Variants in ZNF407 observed in about 807,000 individuals in gnomAD.
ZNF407 encodes zinc finger protein 407.
In ZNF407, 17 loss-of-function variants were observed where a neutral mutation model predicts 131.2. That is an observed-to-expected ratio of 0.13 (90% CI 0.09 to 0.19). ZNF407 has a LOEUF of 0.19. Among genes scored for constraint, ZNF407 ranks in the 10% least tolerant of loss-of-function variants. The pLI, the probability that ZNF407 is intolerant of heterozygous loss-of-function variation, is 1.00. For synonymous variants in ZNF407, 1,156 were observed against 1,062.0 expected, an observed-to-expected ratio of 1.09 and a Z score of -1.72; for missense variants, 2,681 against 2,830.6, an observed-to-expected ratio of 0.95 and a Z score of 1.20.
chr18:74,755,851 CCCTTCCTCCCTTCCTT>C (rs1968943359), intron 3 of ZNF407, among the ~76,000 whole-genome samples: 1 of 116,000 alleles, frequency 8.6e-6, no homozygotes, highest in South Asian at 3.4e-4. Context: ...CTCCCTTCCT[CCCTTCCTCCCTTCCTT>C]CCTTCCTCTT....
At chr18:74,742,368 G>C (rs764266461) in intron 3 of ZNF407, among the ~76,000 whole-genome samples, 12 of 152,176 alleles carry the variant, frequency 7.9e-5, no homozygotes, top group Non-Finnish European at 1.3e-4. Context: ...TAAATGTCCA[G>C]TGAAGAGTAA....
intron 4 of ZNF407, 72 bp from the exon 5 acceptor site, chr18:74,877,125 C>T (rs918219732): frequency 3.5e-5 from 50 of 1,424,890 alleles, no homozygotes; most frequent in Non-Finnish European, 4.8e-5. Flanking sequence ...AGGGTTCGCA[C>T]ACGCGCTGCC....
rs140726101 is a variant in ZNF407, at chr18:74,843,323, G to A, written c.4878-33874G>A. 2.6e-4 allele frequency among the ~76,000 whole-genome samples: 40 copies of A among 151,918 alleles called. No individual in the cohort carries two copies. The East Asian group carries it at 4.6e-3, about 18-fold the overall frequency. On this transcript the variant is annotated intron_variant, in intron 4 of 8. Transcript: ENST00000299687. ...TCTAAACTTTCTATATTTCTAGATC[G>A]TTTATATTTATTCAGTCATATTAAG...
intron 3 of ZNF407, among the ~76,000 whole-genome samples, chr18:74,776,794 T>C (rs1040257640): frequency 6.6e-6 from 1 of 152,238 alleles, no homozygotes; most frequent in African/African-American, 2.4e-5. Context: ...ACACATTCTG[T>C]ATATGTATTA....
chr18:74,958,280 G>T (rs1972299496), intron 8 of ZNF407, among the ~76,000 whole-genome samples: 2 of 152,174 alleles, frequency 1.3e-5, no homozygotes, highest in South Asian at 2.1e-4. Context: ...GTGGGTTAGG[G>T]ATGTCAGAAA....
intron 3 of ZNF407, among the ~76,000 whole-genome samples, chr18:74,724,393 A>C (rs944907300): frequency 1.3e-5 from 2 of 152,156 alleles, no homozygotes; most frequent in African/African-American, 4.8e-5. Context: ...TATTAACTAT[A>C]GTCATTCTCT....
At chr18:74,684,662 A>G (rs1480313828) in intron 3 of ZNF407, among the ~76,000 whole-genome samples, 2 of 152,328 alleles carry the variant, frequency 1.3e-5, no homozygotes, top group African/African-American at 4.8e-5. Flanking sequence ...ATTAGAATGG[A>G]CTTAGTTTAA....
At chr18:74,687,072 G>C (rs1269295780) in intron 3 of ZNF407, among the ~76,000 whole-genome samples, 1 of 152,180 alleles carries the variant, frequency 6.6e-6, no homozygotes, top group Non-Finnish European at 1.5e-5. Flanking sequence ...AATATGGCTG[G>C]TGTGGTGGCT....
chr18:75,038,202 G>T (rs1278977195), intron 8 of ZNF407, among the ~76,000 whole-genome samples: 1 of 152,166 alleles, frequency 6.6e-6, no homozygotes, highest in African/African-American at 2.4e-5. Flanking sequence ...AACTTCAAAT[G>T]GCATTACCGA....
intron 1 of ZNF407, among the ~76,000 whole-genome samples, chr18:74,625,056 T>C (rs1983726859): frequency 6.6e-6 from 1 of 152,262 alleles, no homozygotes; most frequent in African/African-American, 2.4e-5. Context: ...ATGAGTACAT[T>C]TGTATGACTA....
chr18:74,632,608 G>C lies in ZNF407; in HGVS notation c.1589G>C (p.Cys530Ser), dbSNP rs751734502. 1 of 1,614,036 alleles carries C rather than the reference G, an allele frequency of 6.2e-7. No homozygotes were observed. Among genetic ancestry groups the C allele is most frequent in the South Asian group, 1.1e-5 (1 of 91,088 alleles). The change falls in exon 2 of 9, where the codon TGT (cysteine) becomes TCT (serine). Residue 530 changes from cysteine (C) to serine (S), a missense_variant. By Grantham distance (112) the Cys-to-Ser change is moderately radical (BLOSUM62 -1). Coordinates refer to ENST00000299687, the MANE Select transcript of ZNF407 (RefSeq NM_017757.3). ...TCTGGCTCTCAGACGTTGTGTGCTT[G>C]TACAGACTGTGGGCAAGTAGCTACA... ...PASGSQTLCA[C>S]TDCGQVATNR...
At chr18:74,626,510 G>A (rs985135656) in intron 1 of ZNF407, among the ~76,000 whole-genome samples, 4 of 152,274 alleles carry the variant, frequency 2.6e-5, no homozygotes, top group South Asian at 2.1e-4. Flanking sequence ...TGTGACTCCC[G>A]CAGAATATTA....
intron 4 of ZNF407, among the ~76,000 whole-genome samples, chr18:74,836,005 A>G (rs557416061): frequency 5.0e-4 from 72 of 143,942 alleles, no homozygotes; most frequent in African/African-American, 1.9e-3. Flanking sequence ...AGGGACCCTT[A>G]TGGAAAAAAA....
In ZNF407 at chr18:74,703,784, A is replaced by G. The variant is rs1967557348; in HGVS notation, c.4802+62662A>G. ...CTGCCCTATTAGCAAATGATCTACT[A>G]ACAGAAATCCCCAGACTCTTTCTAA... On this transcript the variant is annotated intron_variant, in intron 3 of 8. Coordinates refer to ENST00000299687, the MANE Select transcript of ZNF407 (RefSeq NM_017757.3). This position sits in a 1 kb window ranked among gnomAD's most constrained non-coding sequence, Gnocchi z 4.1. Among the ~76,000 whole-genome samples the G allele has an allele frequency of 6.6e-6, 1 of 152,166 alleles. No individual in the cohort carries two copies. The highest frequency in any genetic ancestry group is 2.4e-5 in the African/African-American group (1 of 41,444).
chr18:74,657,268 TAGA>T (rs1985503376), intron 3 of ZNF407, among the ~76,000 whole-genome samples: 1 of 152,126 alleles, frequency 6.6e-6, no homozygotes, highest in Non-Finnish European at 1.5e-5. Flanking sequence ...AAAATGATAG[TAGA>T]AGGAAAATTT....
At position 74,856,800 on chromosome 18, in the gene ZNF407, A is replaced by G. The variant is rs542658509; in HGVS notation, c.4878-20397A>G. Among the ~76,000 whole-genome samples, 8 of 152,348 alleles carry G rather than the reference A, an allele frequency of 5.3e-5. 1 individual carries two copies. Among genetic ancestry groups the G allele is most frequent in the African/African-American group, 1.9e-4 (8 of 41,584 alleles). On this transcript the variant is annotated intron_variant, in intron 4 of 8. Coordinates refer to ENST00000299687, the MANE Select transcript of ZNF407 (RefSeq NM_017757.3). ...GTTTGTACTATATAATAAGTTTCAT[A>G]TATTAATACAATTTTTCATCTGATG...
At chr18:74,689,796 T>G (rs1967177718) in intron 3 of ZNF407, among the ~76,000 whole-genome samples, 1 of 152,208 alleles carries the variant, frequency 6.6e-6, no homozygotes, top group African/African-American at 2.4e-5. Flanking sequence ...TATTCCTTAC[T>G]TTTTCAGAGA....
chr18:74,916,905 C>T (rs1971779493), intron 7 of ZNF407, among the ~76,000 whole-genome samples: 1 of 152,054 alleles, frequency 6.6e-6, no homozygotes, highest in Admixed American at 6.5e-5. Flanking sequence ...AGGCAAAACT[C>T]TGAAATTTGA....
At chr18:74,786,713 T>C (rs1969720220) in intron 4 of ZNF407, among the ~76,000 whole-genome samples, 1 of 151,892 alleles carries the variant, frequency 6.6e-6, no homozygotes, top group African/African-American at 2.4e-5. Context: ...TTTCCATCTT[T>C]TAACCTGTAA....
Sources: allele counts gnomAD v4.1 joint callset (sites outside exome capture counted in the v4.1 genomes callset), GRCh38; gene constraint gnomAD v4.1.1; non-coding constraint Gnocchi (gnomAD v3.1); transcripts MANE v1.5; gene names NCBI Gene and HGNC (gene_info 2026-07-23, HGNC 2026-07-21).